The following SIRPB1 variants were observed in gnomAD, a reference collection of about 807,000 sequenced individuals.
The protein encoded by SIRPB1 is signal-regulatory protein beta-1.
SIRPB1 carries 28 observed loss-of-function variants against 34.1 expected under a neutral mutation model. The ratio of observed to expected loss-of-function variants is 0.82; its 90% confidence interval spans 0.61 to 1.12. The LOEUF (loss-of-function observed/expected upper bound fraction) is 1.12, where lower values mean the gene tolerates loss of function less well. Among genes scored for constraint, SIRPB1 ranks in the 50% most tolerant of loss-of-function variants. SIRPB1 has a pLI of 0.00. For synonymous variants in SIRPB1, 211 were observed against 203.8 expected (o/e 1.04, Z -0.30); for missense variants, 499 against 507.0 (o/e 0.98, Z 0.15).
chr20:1,571,472 G>A (rs1200447569), intron 3 of SIRPB1, among the ~76,000 whole-genome samples: 1 of 152,206 alleles, frequency 6.6e-6, no homozygotes, highest in Non-Finnish European at 1.5e-5. Flanking sequence ...CCTAGTAGGT[G>A]CTCACTAATT....
rs1359488592 is a variant in SIRPB1, at chr20:1,594,223, CA to C, written c.77-15530del. On this transcript the variant is annotated intron_variant, in intron 1 of 5. Coordinates refer to ENST00000381605, the MANE Select transcript of SIRPB1 (RefSeq NM_006065.5). ...CGTCTCAAAAAAACAAACAAACAAA[CA>C]AAAAATTATTTTAACTGATGCAATA... is the stretch of plus-strand genomic sequence containing the variant. Among the ~76,000 whole-genome samples, 2 of 48,324 alleles carry C rather than the reference CA, an allele frequency of 4.1e-5. 1 individual carries two copies. Among genetic ancestry groups the C allele is most frequent in the African/African-American group, 2.8e-4 (2 of 7,256 alleles). The allele number at this position is 48,324 out of a possible 152,430, so 31.7% of individuals were successfully genotyped here.
At chr20:1,619,343 G>A (rs1023436241) in intron 1 of SIRPB1, among the ~76,000 whole-genome samples, 7 of 152,160 alleles carry the variant, frequency 4.6e-5, no homozygotes, top group Non-Finnish European at 8.8e-5. Context: ...TCACAGGGGA[G>A]GGAGGAGCAT....
At position 1,586,048 on chromosome 20, in the gene SIRPB1, G is replaced by C. The variant is rs963081909; in HGVS notation, c.77-7354C>G. On this transcript the variant is annotated intron_variant, in intron 1 of 5. Coordinates refer to ENST00000381605, the MANE Select transcript of SIRPB1 (RefSeq NM_006065.5). Reference sequence around the variant, plus strand: ...CTCATATGTGGAATCTAAAAAAGTTGAACTCAAAGAACTAGAGTAGAATGA... The same window carrying C: ...CTCATATGTGGAATCTAAAAAAGTTCAACTCAAAGAACTAGAGTAGAATGA... 8.2e-5 allele frequency among the ~76,000 whole-genome samples: 4 copies of C among 48,848 alleles called. 2 individuals are homozygous for C. The highest frequency in any genetic ancestry group is 1.6e-4 in the Non-Finnish European group (4 of 25,364). 32.0% of individuals were successfully genotyped at this position (48,848 alleles called of 152,430 possible). A position where few individuals can be genotyped will look rare whatever the true frequency, so the allele number is the denominator to read the frequency against.
chr20:1,572,702 A>G (rs1342657061), intron 2 of SIRPB1, among the ~76,000 whole-genome samples: 2 of 151,864 alleles, frequency 1.3e-5, no homozygotes, highest in African/African-American at 2.4e-5. Context: ...TATTATAAAA[A>G]TATGAAACAT....
At chr20:1,572,949 C>T (rs1379224332) in intron 2 of SIRPB1, among the ~76,000 whole-genome samples, 1 of 148,450 alleles carries the variant, frequency 6.7e-6, no homozygotes, top group Non-Finnish European at 1.5e-5. Flanking sequence ...AGTGGGTTTG[C>T]AGTTGAGGAT....
chr20:1,572,324 A>G (rs1053365945), intron 2 of SIRPB1, among the ~76,000 whole-genome samples: 5 of 151,934 alleles, frequency 3.3e-5, no homozygotes, highest in African/African-American at 9.7e-5. Flanking sequence ...TGGGCATAGG[A>G]ACAAAATTAC....
intron 2 of SIRPB1, among the ~76,000 whole-genome samples, chr20:1,576,376 G>C (rs1290428235): frequency 6.8e-6 from 1 of 147,916 alleles, no homozygotes; most frequent in Non-Finnish European, 1.5e-5. Context: ...TTTTTAAAAA[G>C]CTGTTAGTAA....
At chr20:1,567,190 C>T (rs187690792) in intron 4 of SIRPB1, among the ~76,000 whole-genome samples, 17 of 152,188 alleles carry the variant, frequency 1.1e-4, no homozygotes, top group African/African-American at 3.1e-4. Context: ...TGTTGCAGGC[C>T]GGCAGTTCTC....
chr20:1,571,361 T>G (rs1298554127), intron 3 of SIRPB1, among the ~76,000 whole-genome samples: 1 of 152,206 alleles, frequency 6.6e-6, no homozygotes, highest in African/African-American at 2.4e-5. Context: ...GCTGCTAGGC[T>G]AAGGATGAGT....
At chr20:1,618,347 G>T (rs957274050) in intron 1 of SIRPB1, among the ~76,000 whole-genome samples, 2 of 152,134 alleles carry the variant, frequency 1.3e-5, no homozygotes, top group Non-Finnish European at 2.9e-5. Context: ...CTTTGGAGCC[G>T]GTCGACCTGG....
chr20:1,572,958 A>C (rs1250464857), intron 2 of SIRPB1, among the ~76,000 whole-genome samples: 2 of 148,080 alleles, frequency 1.4e-5, no homozygotes, highest in East Asian at 3.9e-4. Flanking sequence ...GCAGTTGAGG[A>C]TTTTCAACCA....
At position 1,599,736 on chromosome 20, in the gene SIRPB1, C is replaced by T. The variant is rs2091468966; in HGVS notation, c.76+20133G>A. On this transcript the variant is annotated intron_variant, in intron 1 of 5. Coordinates refer to ENST00000381605, the MANE Select transcript of SIRPB1 (RefSeq NM_006065.5). The stretch of plus-strand genomic sequence containing the variant: ...TATGGAAAGCATGCCCCCTTGGCCA[C>T]GTTTGCAACTTACTTCTGCTCAGGA... Among the ~76,000 whole-genome samples the T allele has an allele frequency of 6.1e-5, 3 of 49,358 alleles. 1 individual carries two copies. Among genetic ancestry groups the T allele is most frequent in the Non-Finnish European group, 1.2e-4 (3 of 25,488 alleles). The allele number at this position is 49,358 out of a possible 152,430, so 32.4% of individuals were successfully genotyped here.
chr20:1,567,126 G>A (rs2091150149), intron 4 of SIRPB1, among the ~76,000 whole-genome samples: 1 of 152,154 alleles, frequency 6.6e-6, no homozygotes, highest in East Asian at 1.9e-4. Flanking sequence ...GTGCTGGTGG[G>A]TCCTTAAGGA....
chr20:1,572,995 C>T (rs1600107850), intron 2 of SIRPB1, among the ~76,000 whole-genome samples: 1 of 147,996 alleles, frequency 6.8e-6, no homozygotes, highest in African/African-American at 2.5e-5. Context: ...CAAAAACAAC[C>T]TTTTGTGAAA....
rs1331469090 is a variant in SIRPB1, at chr20:1,566,191, G to T, written c.1161C>A (p.Val387=). The T allele has an allele frequency of 1.2e-6, 2 of 1,612,058 alleles. No homozygotes were observed. Among genetic ancestry groups the T allele is most frequent in the Non-Finnish European group, 1.7e-6 (2 of 1,179,252 alleles). ...GTTTCCAGCAGATGTAGATGGCAGA[G>T]ACACCAACCACCAGTAGCAGCTTGG... ...LGPKLLLVVG[V]SAIYICWKQK... The change falls in exon 5 of 6, where the codon GTC becomes GTA. Residue 387 remains valine, a synonymous_variant. Transcript: ENST00000381605.
chr20:1,571,840 T>G lies in SIRPB1; in HGVS notation c.631A>C (p.Thr211Pro). 1 of 1,614,220 alleles carries G rather than the reference T, an allele frequency of 6.2e-7. No homozygotes were observed. Among genetic ancestry groups the G allele is most frequent in the Non-Finnish European group, 8.5e-7 (1 of 1,180,034 alleles). Reference sequence around the variant, plus strand: ...CCACGGGTCAGCACCACCCTGGCTGTGCTGTGGATGCTGTAGGACACACTG... The same window carrying G: ...CCACGGGTCAGCACCACCCTGGCTGGGCTGTGGATGCTGTAGGACACACTG... The part of the protein sequence containing the change: ...GDSVSYSIHS[T>P]ARVVLTRGDV... The change falls in exon 3 of 6, where the codon ACA becomes CCA. Residue 211 changes from threonine to proline, a missense_variant. Thr to Pro is a conservative substitution (Grantham distance 38). Coordinates refer to ENST00000381605, the MANE Select transcript of SIRPB1 (RefSeq NM_006065.5).
Position 1,619,836 on chromosome 20 carries a change from G to A in SIRPB1, c.76+33C>T, listed in dbSNP as rs370351454. On this transcript the variant is annotated intron_variant, in intron 1 of 5. Transcript: ENST00000381605. ...GGGACAGGCCATGGCTCAGTGGGCA[G>A]GAAAAAAGATTTTAACCGAAGGCAG... 65 of 1,528,012 alleles carry A rather than the reference G, an allele frequency of 4.3e-5. No homozygotes were observed. In the African/African-American group the frequency reaches 8.2e-4, roughly 19 times the overall value. 94.7% of individuals were successfully genotyped at this position (1,528,012 alleles called of 1,614,324 possible). A position where few individuals can be genotyped will look rare whatever the true frequency, so the allele number is the denominator to read the frequency against.
At chr20:1,611,751 A>G (rs1260654330) in intron 1 of SIRPB1, 2 of 790,068 alleles carry the variant, frequency 2.5e-6, no homozygotes, top group Admixed American at 2.6e-5. Context: ...TTTCATCCTT[A>G]CGTGATCCTC....
intron 2 of SIRPB1, 62 bp from the exon 3 acceptor site, chr20:1,572,099 G>A (rs536555659): frequency 9.3e-6 from 15 of 1,609,498 alleles, no homozygotes; most frequent in East Asian, 6.7e-5. Context: ...GATGATAAGC[G>A]TTTGACATGT....
Sources: gnomAD v4.1 joint callset for allele counts (sites outside exome capture counted in the v4.1 genomes callset) on GRCh38, gnomAD v4.1.1 for gene constraint, MANE v1.5 for transcripts, NCBI Gene and HGNC (gene_info 2026-07-23, HGNC 2026-07-21) for gene names.